The following ASIC2 variants were observed in gnomAD, a reference collection of about 807,000 sequenced individuals.
ASIC2 encodes the protein acid-sensing ion channel 2.
ASIC2 carries 25 observed loss-of-function variants against 57.3 expected under a neutral mutation model. The ratio of observed to expected loss-of-function variants is 0.44; its 90% CI spans 0.32 to 0.61. ASIC2 has a LOEUF of 0.61. ASIC2 is among the 20% of genes least tolerant of loss of function. The pLI, the probability that ASIC2 is intolerant of heterozygous loss-of-function variation, is 0.06. For missense variants in ASIC2, 641 were observed against 738.1 expected (o/e 0.87, Z 1.52); for synonymous variants, 319 against 307.5 (o/e 1.04, Z -0.39).
chr17:34,095,164 A>G (rs528324906), intron 1 of ASIC2, among the ~76,000 whole-genome samples: 3 of 152,140 alleles, frequency 2.0e-5, no homozygotes, highest in East Asian at 3.9e-4. Context: ...GGGCTTTTAT[A>G]TATCAGTAGC....
intron 1 of ASIC2, among the ~76,000 whole-genome samples, chr17:33,546,176 A>AATATATATACATATGTATATGTAT (rs1272546735): frequency 4.7e-5 from 7 of 150,170 alleles, no homozygotes; most frequent in Admixed American, 6.7e-5. Context: ...AGTATATGTA[A>AATATATATACATATGTATATGTAT]ATATATATAC....
At chr17:33,202,850 G>C (rs899174089) in intron 1 of ASIC2, among the ~76,000 whole-genome samples, 5 of 152,102 alleles carry the variant, frequency 3.3e-5, no homozygotes, top group Admixed American at 1.3e-4. Context: ...CTGGGGGATG[G>C]TCATGTCCTT....
intron 1 of ASIC2, among the ~76,000 whole-genome samples, chr17:33,487,388 G>A (rs922662769): frequency 2.6e-5 from 4 of 152,172 alleles, no homozygotes; most frequent in African/African-American, 7.2e-5. Context: ...TCTCCTTAAG[G>A]TTGCACAGTT....
intron 1 of ASIC2, among the ~76,000 whole-genome samples, chr17:34,094,712 T>C (rs1484062181): frequency 6.6e-6 from 1 of 152,182 alleles, no homozygotes; most frequent in Non-Finnish European, 1.5e-5. Flanking sequence ...CAGGAATTTC[T>C]CCACTGAATC....
chr17:33,087,079 A>G (rs2092137138), intron 3 of ASIC2, among the ~76,000 whole-genome samples: 1 of 152,190 alleles, frequency 6.6e-6, no homozygotes, highest in South Asian at 2.1e-4. Flanking sequence ...ATGTCAACCC[A>G]TGTCCAGCTT....
At chr17:33,943,679 T>C (rs1916242285) in intron 1 of ASIC2, among the ~76,000 whole-genome samples, 1 of 137,910 alleles carries the variant, frequency 7.3e-6, no homozygotes. Flanking sequence ...CAACATTCAT[T>C]GAATGATAAT....
chr17:33,846,028 T>C (rs73988909), intron 1 of ASIC2, among the ~76,000 whole-genome samples: 42 of 152,336 alleles, frequency 2.8e-4, no homozygotes, highest in African/African-American at 1.0e-3. Context: ...ATAGTCGTTT[T>C]CTGAACTGCA....
At chr17:33,884,384 C>T (rs952947284) in intron 1 of ASIC2, among the ~76,000 whole-genome samples, 1 of 152,174 alleles carries the variant, frequency 6.6e-6, no homozygotes, top group Non-Finnish European at 1.5e-5. Context: ...CCCACTGTTG[C>T]TTGTTCCTGG....
At chr17:33,940,873 G>A (rs867694050) in intron 1 of ASIC2, among the ~76,000 whole-genome samples, 3 of 152,230 alleles carry the variant, frequency 2.0e-5, no homozygotes, top group East Asian at 3.9e-4. Flanking sequence ...TGACCGCCCC[G>A]TGGCCTGCTC....
intron 1 of ASIC2, among the ~76,000 whole-genome samples, chr17:33,385,742 T>G (rs1909651723): frequency 6.6e-6 from 1 of 152,124 alleles, no homozygotes; most frequent in Non-Finnish European, 1.5e-5. Flanking sequence ...AAGTGTCCAG[T>G]GTGAGGACAG....
intron 1 of ASIC2, among the ~76,000 whole-genome samples, chr17:33,420,072 A>G (rs1438128930): frequency 3.9e-5 from 6 of 152,210 alleles, no homozygotes; most frequent in Non-Finnish European, 7.3e-5. Flanking sequence ...ATGCCGTTTC[A>G]TTATGTAAAT....
intron 1 of ASIC2, among the ~76,000 whole-genome samples, chr17:33,128,774 A>C (rs898558660): frequency 2.0e-5 from 3 of 152,224 alleles, no homozygotes; most frequent in Admixed American, 6.5e-5. Context: ...AATGTCAGCT[A>C]CCAACACTCA....
chr17:33,760,875 C>T (rs1164588575), intron 1 of ASIC2, among the ~76,000 whole-genome samples: 1 of 152,164 alleles, frequency 6.6e-6, no homozygotes, highest in East Asian at 1.9e-4. Context: ...CCTGACTTTG[C>T]AACAAACCTG....
intron 3 of ASIC2, among the ~76,000 whole-genome samples, chr17:33,085,991 C>T (rs951890722): frequency 3.9e-5 from 6 of 152,168 alleles, no homozygotes; most frequent in African/African-American, 1.4e-4. Context: ...GAATACACTT[C>T]AAAGCTAACA....
At chr17:33,637,879 G>A (rs912073601) in intron 1 of ASIC2, among the ~76,000 whole-genome samples, 4 of 152,334 alleles carry the variant, frequency 2.6e-5, no homozygotes, top group African/African-American at 9.6e-5. Context: ...GAGGCTGAGA[G>A]GTTAGGGTTT....
chr17:33,348,065 G>A (rs1908023917), intron 1 of ASIC2, among the ~76,000 whole-genome samples: 1 of 152,204 alleles, frequency 6.6e-6, no homozygotes, highest in Non-Finnish European at 1.5e-5. Flanking sequence ...TGGCACTGCT[G>A]CACTCCAGCC....
At chr17:33,815,524 G>A (rs1165453111) in intron 1 of ASIC2, among the ~76,000 whole-genome samples, 1 of 152,088 alleles carries the variant, frequency 6.6e-6, no homozygotes. Flanking sequence ...CCCCTCTTTG[G>A]AGGATCTGAA....
intron 1 of ASIC2, among the ~76,000 whole-genome samples, chr17:33,940,530 C>CCCTT (rs981573422): frequency 5.3e-5 from 8 of 151,992 alleles, no homozygotes; most frequent in African/African-American, 9.7e-5. Context: ...CCACATCCAT[C>CCCTT]CCTTCCTTCC....
chr17:34,113,214 G>A (rs748470603), intron 1 of ASIC2, among the ~76,000 whole-genome samples: 55 of 152,152 alleles, frequency 3.6e-4, no homozygotes, highest in Non-Finnish European at 6.8e-4. Flanking sequence ...AGAGAGGGGC[G>A]AAGGAAGCTG....
Sources: allele counts gnomAD v4.1 joint callset (sites outside exome capture counted in the v4.1 genomes callset), GRCh38; gene constraint gnomAD v4.1.1; transcripts MANE v1.5; gene names NCBI Gene and HGNC (gene_info 2026-07-23, HGNC 2026-07-21).